NALF1: variants seen among roughly 807,000 people sequenced by gnomAD.
NALF1 encodes the protein family with sequence similarity 155 member A.
A neutral mutation model predicts 48.4 loss-of-function variants in NALF1; 3 were observed. That is an observed-to-expected ratio of 0.06 (90% CI 0.03 to 0.16). The LOEUF (loss-of-function observed/expected upper bound fraction) is 0.16, where lower values mean the gene tolerates loss of function less well. Ranked by LOEUF, NALF1 falls within the 10% of genes least tolerant of loss-of-function variation. The probability of loss-of-function intolerance (pLI) is 1.00; values close to 1 mark genes in which losing one functional copy is unlikely to be tolerated. For missense variants in NALF1, 526 were observed against 571.5 expected (o/e 0.92, Z 0.81); for synonymous variants, 262 against 245.7 (o/e 1.07, Z -0.62).
chr13:107,414,154 A>G (rs1457822667), intron 1 of NALF1, among the ~76,000 whole-genome samples: 2 of 152,154 alleles, frequency 1.3e-5, no homozygotes, highest in Non-Finnish European at 2.9e-5. Context: ...ATTTATTATT[A>G]TAAGCATATA....
intron 1 of NALF1, among the ~76,000 whole-genome samples, chr13:107,279,744 T>A (rs1881351296): frequency 6.6e-6 from 1 of 152,188 alleles, no homozygotes. Flanking sequence ...TTTTGCAACA[T>A]GCAGTTTTAT....
intron 1 of NALF1, among the ~76,000 whole-genome samples, chr13:107,862,248 T>A (rs1311422306): frequency 6.6e-6 from 1 of 152,172 alleles, no homozygotes; most frequent in East Asian, 1.9e-4. Context: ...CTCACTTTTA[T>A]ATTCATTTGC....
chr13:107,864,230 T>C (rs1880650779), intron 1 of NALF1, among the ~76,000 whole-genome samples: 1 of 152,210 alleles, frequency 6.6e-6, no homozygotes. Context: ...TCTAGTGAAG[T>C]ATCACTCTAA....
At chr13:107,270,453 A>G (rs559031020) in intron 1 of NALF1, among the ~76,000 whole-genome samples, 28 of 152,262 alleles carry the variant, frequency 1.8e-4, no homozygotes, top group African/African-American at 5.8e-4. Flanking sequence ...TGAAGTTAAT[A>G]AAAATTATGT....
intron 1 of NALF1, among the ~76,000 whole-genome samples, chr13:107,843,914 CT>C (rs1180327834): frequency 4.6e-5 from 7 of 152,224 alleles, no homozygotes; most frequent in South Asian, 4.1e-4. Context: ...GACGTTGCCC[CT>C]AATAGCAAAT....
At chr13:107,637,224 A>C (rs1002357166) in intron 1 of NALF1, among the ~76,000 whole-genome samples, 1 of 148,658 alleles carries the variant, frequency 6.7e-6, no homozygotes, top group Non-Finnish European at 1.5e-5. Context: ...GCAATGCATA[A>C]CTGTATATTG....
intron 1 of NALF1, among the ~76,000 whole-genome samples, chr13:107,339,100 C>T (rs1222487018): frequency 6.9e-6 from 1 of 145,262 alleles, no homozygotes; most frequent in African/African-American, 2.6e-5. Context: ...TGCCACTGCA[C>T]TCCAGCCTGG....
chr13:107,409,100 T>A (rs1016668068), intron 1 of NALF1, among the ~76,000 whole-genome samples: 97 of 152,268 alleles, frequency 6.4e-4, no homozygotes, highest in African/African-American at 2.3e-3. Context: ...GCATGGCTAA[T>A]GACTAGGCCC....
At chr13:107,581,326 A>C (rs1187449882) in intron 1 of NALF1, among the ~76,000 whole-genome samples, 1 of 152,174 alleles carries the variant, frequency 6.6e-6, no homozygotes, top group Non-Finnish European at 1.5e-5. Context: ...GAATCAACAA[A>C]GGAAAGCTCT....
chr13:107,214,139 C>A (rs1250449889), intron 1 of NALF1, among the ~76,000 whole-genome samples: 2 of 152,110 alleles, frequency 1.3e-5, no homozygotes, highest in Non-Finnish European at 2.9e-5. Context: ...GAGGAAGATT[C>A]CTATGTTAGG....
chr13:107,354,646 T>C (rs1566493752), intron 1 of NALF1, among the ~76,000 whole-genome samples: 1 of 152,178 alleles, frequency 6.6e-6, no homozygotes, highest in Non-Finnish European at 1.5e-5. Flanking sequence ...ATGCATCTTC[T>C]TTGGAAATTT....
At chr13:107,255,669 T>C (rs1043581582) in intron 1 of NALF1, among the ~76,000 whole-genome samples, 6 of 152,232 alleles carry the variant, frequency 3.9e-5, no homozygotes, top group East Asian at 1.9e-4. Flanking sequence ...ATATACATTA[T>C]ATACAGTATC....
At chr13:107,354,003 G>T (rs1252571143) in intron 1 of NALF1, among the ~76,000 whole-genome samples, 1 of 152,130 alleles carries the variant, frequency 6.6e-6, no homozygotes, top group Non-Finnish European at 1.5e-5. Flanking sequence ...AACTAGATGA[G>T]ACAGCCAAGG....
chr13:107,550,124 A>G (rs1877251401), intron 1 of NALF1, among the ~76,000 whole-genome samples: 1 of 152,116 alleles, frequency 6.6e-6, no homozygotes, highest in African/African-American at 2.4e-5. Flanking sequence ...CATTCCAGAT[A>G]TTGCTACTTT....
Position 107,505,327 on chromosome 13 carries a change from G to A in NALF1, c.916-294572C>T, listed in dbSNP as rs115334274. Among the ~76,000 whole-genome samples the A allele has an allele frequency of 5.9e-3, 897 of 152,342 alleles. 12 individuals carry two copies. Among genetic ancestry groups the A allele is most frequent in the African/African-American group, 0.021 (864 of 41,586 alleles). On this transcript the variant is annotated intron_variant, in intron 1 of 2. Coordinates refer to ENST00000375915, the MANE Select transcript of NALF1 (RefSeq NM_001080396.3). ...AGCAGGTGCAGGCCTGGAGGGCATG[G>A]CAAAGAAGAGTGGGTTTTATTCCAA... is the stretch of plus-strand genomic sequence containing the variant.
rs113926072 is a variant in NALF1, at chr13:107,343,203, C to A, written c.916-132448G>T. Among the ~76,000 whole-genome samples the A allele has an allele frequency of 3.9e-3, 587 of 152,140 alleles. 5 individuals are homozygous for A. The highest frequency in any genetic ancestry group is 0.013 in the African/African-American group (554 of 41,518). ...CTTTTCTGCTCACAATGAAATGAAA[C>A]AAGAAATCAATAGCAGTGGAAAAAT... On this transcript the variant is annotated intron_variant, in intron 1 of 2. Coordinates refer to ENST00000375915, the MANE Select transcript of NALF1 (RefSeq NM_001080396.3).
At chr13:107,173,055 T>C (rs981683372) in intron 2 of NALF1, among the ~76,000 whole-genome samples, 1 of 152,180 alleles carries the variant, frequency 6.6e-6, no homozygotes, top group Non-Finnish European at 1.5e-5. Context: ...TTCCACAGAG[T>C]ATTTTACAAA....
In NALF1 at chr13:107,771,837, A is replaced by T. The variant is rs1307788060; in HGVS notation, c.915+93845T>A. Among the ~76,000 whole-genome samples, 3 of 152,070 alleles carry T rather than the reference A, an allele frequency of 2.0e-5. No individual in the cohort carries two copies. In the East Asian group the frequency reaches 5.8e-4, roughly 29 times the overall value. ...CTGCAGCCTCCGCCTCCCGGGTTCAAGTGATTCTCCTGCCTCAGCCTCTGG... is the reference window on the plus strand; with the variant it reads ...CTGCAGCCTCCGCCTCCCGGGTTCATGTGATTCTCCTGCCTCAGCCTCTGG... On this transcript the variant is annotated intron_variant, in intron 1 of 2. Coordinates refer to ENST00000375915, the MANE Select transcript of NALF1 (RefSeq NM_001080396.3).
chr13:107,809,375 T>G (rs548759628), intron 1 of NALF1, among the ~76,000 whole-genome samples: 1 of 152,184 alleles, frequency 6.6e-6, no homozygotes, highest in East Asian at 1.9e-4. Context: ...TCCCAACTCT[T>G]GAACAATTAC....
Sources: gnomAD v4.1 joint callset for allele counts (sites outside exome capture counted in the v4.1 genomes callset) on GRCh38, gnomAD v4.1.1 for gene constraint, MANE v1.5 for transcripts, NCBI Gene and HGNC (gene_info 2026-07-23, HGNC 2026-07-21) for gene names.